The following SLC10A7 variants were observed in gnomAD, a reference collection of about 807,000 sequenced individuals.
SLC10A7 encodes the protein solute carrier family 10 member 7.
Under a neutral mutation model 43.2 loss-of-function variants are expected in SLC10A7, and 29 were observed. The observed-to-expected ratio is 0.67, with a 90% CI of 0.50 to 0.92. The LOEUF is 0.92. Ranked by LOEUF, SLC10A7 falls within the 40% of genes least tolerant of loss-of-function variation. SLC10A7 has a pLI of 0.00. For synonymous variants in SLC10A7, 152 were observed against 144.8 expected (o/e 1.05, Z -0.35); for missense variants, 295 against 403.2 (o/e 0.73, Z 2.30).
At chr4:146,498,408 G>A (rs546524360) in intron 4 of SLC10A7, among the ~76,000 whole-genome samples, 7 of 152,068 alleles carry the variant, frequency 4.6e-5, no homozygotes, top group South Asian at 2.1e-4. Flanking sequence ...ATGAGCCACC[G>A]CCCCCGGCCT....
At chr4:146,462,044 A>C (rs1732584977) in intron 4 of SLC10A7, among the ~76,000 whole-genome samples, 1 of 152,110 alleles carries the variant, frequency 6.6e-6, no homozygotes, top group Non-Finnish European at 1.5e-5. Flanking sequence ...GAATGATAAA[A>C]TAAGCTTATT....
chr4:146,508,314 C>G (rs1326210937), intron 3 of SLC10A7, among the ~76,000 whole-genome samples: 1 of 152,120 alleles, frequency 6.6e-6, no homozygotes, highest in Non-Finnish European at 1.5e-5. Flanking sequence ...CAGAAGACAA[C>G]AAAAATGAGT....
intron 10 of SLC10A7, among the ~76,000 whole-genome samples, chr4:146,278,911 T>C (rs1490150954): frequency 6.6e-6 from 1 of 152,182 alleles, no homozygotes. Flanking sequence ...TTTAGCTTAG[T>C]GCACAGGTTC....
chr4:146,521,653 C>A lies in SLC10A7; in HGVS notation c.65G>T (p.Gly22Val), dbSNP rs1738680335. Residue 22 changes from glycine to valine, a missense_variant, in exon 1 of 12, where the codon GGA becomes GTA. Gly to Val is a moderately radical substitution (Grantham distance 109). This residue lies in a region of SLC10A7 where 53 missense variants were observed against 40.7 expected (regional missense o/e 1.30). Coordinates refer to ENST00000335472, the MANE Select transcript of SLC10A7 (RefSeq NM_001029998.6). ...CCCTATGGACGGCTCCAGTTTAGCT[C>A]CAGCGATCGCCAGCACTATTCCGAC... ...FMVGIVLAIA[G>V]AKLEPSIGVN... 1 of 1,614,060 alleles carries A rather than the reference C, an allele frequency of 6.2e-7. No homozygotes were observed. The highest frequency in any genetic ancestry group is 1.7e-5 in the Admixed American group (1 of 60,000).
At chr4:146,299,177 T>C (rs1730986658) in intron 7 of SLC10A7, among the ~76,000 whole-genome samples, 2 of 152,210 alleles carry the variant, frequency 1.3e-5, no homozygotes, top group African/African-American at 2.4e-5. Flanking sequence ...TAACAATCCA[T>C]ACAAGCGTTT....
intron 10 of SLC10A7, among the ~76,000 whole-genome samples, chr4:146,281,880 T>C (rs59424517): frequency 0.012 from 1,794 of 152,282 alleles, 51 homozygotes; most frequent in East Asian, 0.085. Flanking sequence ...GGCTCTCTCA[T>C]GTAGTCCACA....
intron 5 of SLC10A7, among the ~76,000 whole-genome samples, chr4:146,376,258 AT>A (rs937179752): frequency 2.6e-5 from 4 of 152,078 alleles, no homozygotes; most frequent in African/African-American, 9.7e-5. Flanking sequence ...ATTCTAAAGG[AT>A]TTAGAAGCTC....
At chr4:146,499,199 T>C (rs983166914) in intron 4 of SLC10A7, among the ~76,000 whole-genome samples, 8 of 152,218 alleles carry the variant, frequency 5.3e-5, no homozygotes, top group African/African-American at 1.9e-4. Flanking sequence ...GTTTTCATAC[T>C]TGTCATATAC....
chr4:146,304,732 T>A (rs1731423631), intron 7 of SLC10A7, among the ~76,000 whole-genome samples: 2 of 152,122 alleles, frequency 1.3e-5, no homozygotes, highest in Non-Finnish European at 2.9e-5. Context: ...TTCTGTTGAT[T>A]TGGGGTGGAG....
intron 5 of SLC10A7, among the ~76,000 whole-genome samples, chr4:146,425,962 T>C (rs1361512030): frequency 6.6e-6 from 1 of 152,240 alleles, no homozygotes; most frequent in Admixed American, 6.5e-5. Flanking sequence ...ATACTTTCTC[T>C]TGTGAATTTA....
chr4:146,461,967 A>G (rs1445189237), intron 4 of SLC10A7, among the ~76,000 whole-genome samples: 1 of 152,056 alleles, frequency 6.6e-6, no homozygotes, highest in Non-Finnish European at 1.5e-5. Context: ...CCCTAAAAGC[A>G]ACACTTGATT....
intron 5 of SLC10A7, among the ~76,000 whole-genome samples, chr4:146,326,939 C>T (rs369967247): frequency 0.14 from 15,450 of 106,730 alleles, 904 homozygotes; most frequent in African/African-American, 0.22. Flanking sequence ...CACACACACA[C>T]ACACACACAC....
intron 9 of SLC10A7, among the ~76,000 whole-genome samples, chr4:146,290,189 T>G (rs1730337298): frequency 6.6e-6 from 1 of 150,916 alleles, no homozygotes; most frequent in South Asian, 2.1e-4. Flanking sequence ...CCAGGCGTGG[T>G]GGCGGGAGCC....
chr4:146,299,465 T>C (rs968122920), intron 7 of SLC10A7, among the ~76,000 whole-genome samples: 1 of 152,138 alleles, frequency 6.6e-6, no homozygotes, highest in African/African-American at 2.4e-5. Context: ...CTAAATGATA[T>C]GATAGTGACT....
chr4:146,404,102 C>T (rs1450853152), intron 5 of SLC10A7, among the ~76,000 whole-genome samples: 1 of 152,114 alleles, frequency 6.6e-6, no homozygotes, highest in Non-Finnish European at 1.5e-5. Context: ...GGCATGCCTC[C>T]ACCACCCGGG....
intron 5 of SLC10A7, among the ~76,000 whole-genome samples, chr4:146,328,301 C>T (rs994791424): frequency 6.6e-6 from 1 of 152,084 alleles, no homozygotes; most frequent in African/African-American, 2.4e-5. Context: ...CTGGGGGCCT[C>T]GGGATTTACC....
chr4:146,369,812 A>G (rs930849432), intron 5 of SLC10A7, among the ~76,000 whole-genome samples: 1 of 152,196 alleles, frequency 6.6e-6, no homozygotes, highest in Non-Finnish European at 1.5e-5. Flanking sequence ...AAATGATACT[A>G]TAAGCATAAA....
intron 6 of SLC10A7, among the ~76,000 whole-genome samples, chr4:146,313,744 C>T (rs1410899184): frequency 6.6e-6 from 1 of 152,122 alleles, no homozygotes; most frequent in African/African-American, 2.4e-5. Flanking sequence ...TGACTGTAGC[C>T]TTGAAAGCTG....
intron 6 of SLC10A7, among the ~76,000 whole-genome samples, chr4:146,308,266 A>G (rs1731727956): frequency 6.6e-6 from 1 of 152,148 alleles, no homozygotes; most frequent in Non-Finnish European, 1.5e-5. Flanking sequence ...TGGCTCTGAA[A>G]GGAAGGAAAC....
Sources: allele counts gnomAD v4.1 joint callset (sites outside exome capture counted in the v4.1 genomes callset), GRCh38; gene constraint gnomAD v4.1.1; regional missense constraint gnomAD v4.1.1; transcripts MANE v1.5; gene names NCBI Gene and HGNC (gene_info 2026-07-23, HGNC 2026-07-21).